The following GINM1 variants were observed in gnomAD, a reference collection of about 807,000 sequenced individuals.
The protein encoded by GINM1 is glycosylated integral membrane protein 1.
A neutral mutation model predicts 37.8 loss-of-function variants in GINM1; 29 were observed. The observed-to-expected ratio is 0.77, with a 90% CI of 0.57 to 1.05. GINM1 has a LOEUF of 1.05. Among genes scored for constraint, GINM1 ranks in the 50% least tolerant of loss-of-function variants. The pLI, the probability that GINM1 is intolerant of heterozygous loss-of-function variation, is 0.00. For synonymous variants in GINM1, 143 were observed against 146.2 expected (o/e 0.98, Z 0.16); for missense variants, 377 against 397.9 (o/e 0.95, Z 0.45).
intron 1 of GINM1, among the ~76,000 whole-genome samples, chr6:149,571,294 C>T (rs1180658522): frequency 7.2e-6 from 1 of 138,592 alleles, no homozygotes; most frequent in Non-Finnish European, 1.5e-5. Context: ...GCCTGGGCAA[C>T]AGAGCGAGAC....
At chr6:149,570,584 T>G (rs1339609468) in intron 1 of GINM1, among the ~76,000 whole-genome samples, 1 of 152,102 alleles carries the variant, frequency 6.6e-6, no homozygotes, top group Non-Finnish European at 1.5e-5. Context: ...TGAATCCTCT[T>G]TCACAAATTA....
chr6:149,578,878 G>A lies in GINM1; in HGVS notation c.334G>A (p.Val112Ile). 6.3e-7 allele frequency: 1 copy of A among 1,597,788 alleles called. No homozygotes were observed. The highest frequency in any genetic ancestry group is 8.6e-7 in the Non-Finnish European group (1 of 1,167,500). ...EEKEYFGIVS[V>I]RILVHEWPMT... Reference sequence around the variant, plus strand: ...AAAAGAATATTTTGGAATTGTCAGTGTAAGGATTTTAGTTCATGAGTGGCC... The same window carrying A: ...AAAAGAATATTTTGGAATTGTCAGTATAAGGATTTTAGTTCATGAGTGGCC... Residue 112 changes from valine to isoleucine, a missense_variant, in exon 4 of 8, where the codon GTA becomes ATA. Coordinates refer to ENST00000367419, the MANE Select transcript of GINM1 (RefSeq NM_138785.5).
chr6:149,581,718 T>C (rs1432485434), intron 6 of GINM1, among the ~76,000 whole-genome samples: 10 of 152,238 alleles, frequency 6.6e-5, no homozygotes, highest in South Asian at 2.1e-4. Flanking sequence ...AGTATCCCGA[T>C]ATCTCTCTGT....
At chr6:149,580,020 TAAG>T in intron 5 of GINM1, 30 bp downstream of exon 5, 3 of 1,371,586 alleles carry the variant, frequency 2.2e-6, no homozygotes, top group South Asian at 2.7e-5. Context: ...TTTAAAGTAT[TAAG>T]GAGATTATTT....
intron 7 of GINM1, among the ~76,000 whole-genome samples, chr6:149,585,614 A>G (rs1428899884): frequency 1.3e-5 from 2 of 151,966 alleles, no homozygotes; most frequent in East Asian, 1.9e-4. Flanking sequence ...TTATTTTGAG[A>G]CAGAGTCTCA....
At position 149,572,603 on chromosome 6, in the gene GINM1, GGTGA is replaced by G. The variant is rs750600076; in HGVS notation, c.277+3_277+6del. ...CCGAATAAGCTGTCAGACTTTGATAGGTGAGTATTACTAAATTATTTCCATAATT... is the reference window on the plus strand; with the variant it reads ...CCGAATAAGCTGTCAGACTTTGATAGGTATTACTAAATTATTTCCATAATT... On this transcript the variant is annotated splice_donor_variant and splice_donor_region_variant and intron_variant, in intron 3 of 7. Coordinates refer to ENST00000367419, the MANE Select transcript of GINM1 (RefSeq NM_138785.5). LOFTEE classifies it high-confidence loss of function. 10 of 1,492,892 alleles carry G rather than the reference GGTGA, an allele frequency of 6.7e-6. No individual in the cohort carries two copies. Among genetic ancestry groups the G allele is most frequent in the East Asian group, 2.3e-5 (1 of 44,290 alleles). 92.5% of individuals were successfully genotyped at this position (1,492,892 alleles called of 1,614,324 possible).
chr6:149,569,528 G>A (rs1355895079), intron 1 of GINM1, among the ~76,000 whole-genome samples: 3 of 150,248 alleles, frequency 2.0e-5, no homozygotes, highest in Non-Finnish European at 4.4e-5. Flanking sequence ...TAGTAGAGAC[G>A]GGGTTTCACC....
At chr6:149,579,735 T>G (rs1160002888) in intron 4 of GINM1, 99 bp from the exon 5 acceptor site, 2 of 656,468 alleles carry the variant, frequency 3.0e-6, no homozygotes, top group Non-Finnish European at 5.1e-6. Flanking sequence ...ATAGGACACA[T>G]GTTTTAGTTA....
At chr6:149,590,257 G>C (rs1175434500) in intron 7 of GINM1, among the ~76,000 whole-genome samples, 3 of 152,202 alleles carry the variant, frequency 2.0e-5, no homozygotes, top group Admixed American at 6.5e-5. Flanking sequence ...AACCCCCGTT[G>C]ATGTTCTTAT....
At chr6:149,567,512 G>A (rs1446464072) in intron 1 of GINM1, among the ~76,000 whole-genome samples, 5 of 152,098 alleles carry the variant, frequency 3.3e-5, no homozygotes, top group Non-Finnish European at 7.4e-5. Context: ...GTGGTTGCAG[G>A]TGCCTGTAGT....
At chr6:149,585,512 TCC>T (rs1778056673) in intron 7 of GINM1, among the ~76,000 whole-genome samples, 1 of 152,230 alleles carries the variant, frequency 6.6e-6, no homozygotes, top group African/African-American at 2.4e-5. Flanking sequence ...GTTTACAGTA[TCC>T]TTAGTGTGCC....
chr6:149,586,953 T>C (rs1300159220), intron 7 of GINM1, among the ~76,000 whole-genome samples: 4 of 152,054 alleles, frequency 2.6e-5, no homozygotes, highest in Non-Finnish European at 5.9e-5. Context: ...CCAGCTAATT[T>C]TTTTAATTTA....
chr6:149,570,179 TATATATATATATATATATAA>T (rs1777794268), intron 1 of GINM1, among the ~76,000 whole-genome samples: 4 of 90,038 alleles, frequency 4.4e-5, no homozygotes, highest in African/African-American at 1.6e-4. Context: ...TATATATATA[TATATATATATATATATATAA>T]AGTTCAGTAA....
chr6:149,581,487 C>T (rs1189938728), intron 6 of GINM1, among the ~76,000 whole-genome samples: 1 of 152,154 alleles, frequency 6.6e-6, no homozygotes, highest in Non-Finnish European at 1.5e-5. Context: ...CCCCGTACTC[C>T]CACTTTGGGG....
chr6:149,567,635 AAAAC>A lies in GINM1; in HGVS notation c.120+1113_120+1116del, dbSNP rs548478027. 8.5e-5 allele frequency among the ~76,000 whole-genome samples: 13 copies of A among 152,172 alleles called. No homozygotes were observed. The South Asian group carries it at 1.0e-3, about 12-fold the overall frequency. ...CAGCCTGGGTGAGGGAGCTCAAAAC[AAAAC>A]AAACAAACAAAAACAAAAAAACCAA... On this transcript the variant is annotated intron_variant, in intron 1 of 7. Coordinates refer to ENST00000367419, the MANE Select transcript of GINM1 (RefSeq NM_138785.5).
rs549057231 is a variant in GINM1 at position 149,580,005 on chromosome 6, C to G, written c.586+15C>G. The G allele has an allele frequency of 2.0e-4, 306 of 1,500,046 alleles. 2 individuals are homozygous for G. In the South Asian group the frequency reaches 3.5e-3, roughly 17 times the overall value. 92.9% of individuals were successfully genotyped at this position (1,500,046 alleles called of 1,614,324 possible). On this transcript the variant is annotated intron_variant, in intron 5 of 7. Transcript: ENST00000367419. ...CTCCAAAAAAGGTAACTTAAAAGAC[C>G]ATTATTTAAAGTATTAAGGAGATTA...
chr6:149,587,669 C>G (rs552609498), intron 7 of GINM1, among the ~76,000 whole-genome samples: 1 of 152,190 alleles, frequency 6.6e-6, no homozygotes, highest in Non-Finnish European at 1.5e-5. Flanking sequence ...AGGTCCCATA[C>G]CTCTGTGTGT....
At chr6:149,583,474 A>T (rs76883751) in intron 7 of GINM1, among the ~76,000 whole-genome samples, 2,522 of 151,850 alleles carry the variant, frequency 0.017, 66 homozygotes, top group African/African-American at 0.058. Flanking sequence ...AAAAATAAAA[A>T]TAAAAACTAG....
chr6:149,579,003 T>G (rs761649344), intron 4 of GINM1, 30 bp downstream of exon 4: 1 of 1,348,608 alleles, frequency 7.4e-7, no homozygotes, highest in South Asian at 1.3e-5. Context: ...AATTGGGAAT[T>G]AAATGATATT....
Sources: gnomAD v4.1 joint callset for allele counts (sites outside exome capture counted in the v4.1 genomes callset) on GRCh38, gnomAD v4.1.1 for gene constraint, MANE v1.5 for transcripts, NCBI Gene and HGNC (gene_info 2026-07-23, HGNC 2026-07-21) for gene names.